The following TET3 variants were observed in gnomAD, a reference collection of about 807,000 sequenced individuals.
The protein encoded by TET3 is methylcytosine dioxygenase TET3.
TET3 carries 19 observed loss-of-function variants against 141.4 expected under a neutral mutation model. The ratio of observed to expected loss-of-function variants is 0.13; its 90% CI spans 0.09 to 0.20. The LOEUF (loss-of-function observed/expected upper bound fraction) is 0.20. Ranked by LOEUF, TET3 falls within the 10% of genes least tolerant of loss-of-function variation. TET3 has a pLI of 1.00. For synonymous variants in TET3, 1,043 were observed against 980.9 expected (o/e 1.06, Z -1.18); for missense variants, 1,874 against 2,356.9 (o/e 0.80, Z 4.24).
the TET3 span, chr2:74,121,637 G>A: frequency 6.6e-6 from 1 of 152,212 alleles, no homozygotes; most frequent in Non-Finnish European, 1.5e-5. Flanking sequence ...AAGCTCCAAA[G>A]CAGCAAAAGG....
chr2:74,087,780 G>A lies in TET3; in HGVS notation c.2680-50G>A, dbSNP rs1302966705. 4.0e-6 allele frequency: 6 copies of A among 1,498,236 alleles called. No homozygotes were observed. In the African/African-American group the frequency reaches 8.3e-5, roughly 21 times the overall value. The allele number at this position is 1,498,236 out of a possible 1,614,324, so 92.8% of individuals were successfully genotyped here. A position where few individuals can be genotyped will look rare whatever the true frequency, so the allele number is the denominator to read the frequency against. ...ACAAAGGGAGGGGTGGCACCATGCA[G>A]AGGAGCACGGGTACCTGGCTCCTGC... On this transcript the variant is annotated intron_variant, in intron 6 of 11. Coordinates refer to ENST00000409262, the MANE Select transcript of TET3 (RefSeq NM_001287491.2). This position sits in a 1 kb window ranked among gnomAD's most constrained non-coding sequence, Gnocchi z 4.3.
intron 2 of TET3, chr2:73,993,096 G>T (rs949519274): frequency 1.3e-5 from 2 of 152,222 alleles, no homozygotes; most frequent in African/African-American, 4.8e-5. Context: ...GCAAAACATG[G>T]TGCCTGGGCC....
chr2:74,046,542 G>A lies in TET3; in HGVS notation c.625G>A (p.Ala209Thr), dbSNP rs544297032. ...GGTGGCCTTTTCGGCTGTGGCCGAA[G>A]CTGTGTCCTCTTATGGGGCCCTTAG... is the stretch of plus-strand genomic sequence containing the variant. ...DLVAFSAVAE[A>T]VSSYGALSTR... The change falls in exon 4 of 12, where the codon GCT (alanine) becomes ACT (threonine). Residue 209 changes from alanine (A) to threonine (T), a missense_variant. Ala to Thr is a moderately conservative substitution (Grantham distance 58). Around this residue, in one of 10 missense-constraint regions of TET3, gnomAD observed 366 missense variants for 487.0 expected, o/e 0.75. Transcript: ENST00000409262. The surrounding 1 kb of genome is among the most constrained non-coding windows in gnomAD (Gnocchi z 4.3). 1 of 1,614,058 alleles carries A rather than the reference G, an allele frequency of 6.2e-7. No homozygotes were observed. The highest frequency in any genetic ancestry group is 2.2e-5 in the East Asian group (1 of 44,884).
intron 11 of TET3, among the ~76,000 whole-genome samples, 190 bp downstream of exon 11, chr2:74,099,802 G>A (rs1043329258): frequency 5.9e-5 from 9 of 152,298 alleles, no homozygotes; most frequent in Admixed American, 5.9e-4. Context: ...AGCAGGACTT[G>A]TTATCTGCGT....
chr2:74,028,034 G>C (rs929841436), intron 3 of TET3, among the ~76,000 whole-genome samples: 4 of 151,452 alleles, frequency 2.6e-5, no homozygotes, highest in African/African-American at 9.7e-5. Flanking sequence ...ATCTGGGCTA[G>C]AGTGCAGTGG....
rs1261236790 is a variant in TET3 at position 74,048,148 on chromosome 2, C to A, written c.2231C>A (p.Ala744Asp). The change falls in exon 4 of 12, where the codon GCC (alanine) becomes GAC (aspartate). Residue 744 changes from alanine to aspartate, a missense_variant. Physicochemically the swap from Ala to Asp is moderately radical, Grantham distance 126. Transcript: ENST00000409262. ...DPENQQTCLP[A>D]PESPFATRSP... ...GAGAACCAGCAAACATGTCTCCCAG[C>A]CCCTGAGAGCCCCTTTGCTACCCGT... 4 of 1,612,550 alleles carry A rather than the reference C, an allele frequency of 2.5e-6. No homozygotes were observed. In the East Asian group the frequency reaches 6.7e-5, roughly 27 times the overall value.
Position 73,986,707 on chromosome 2 carries a change from G to A in TET3, c.303+1G>A. ...GAAAAAAGTAGGGCTTCTCAAGGAG[G>A]TAAGCCGGCCCTTGCTGGGCTACCC... On this transcript the variant is annotated splice_donor_variant, in intron 2 of 11. Coordinates refer to ENST00000409262, the MANE Select transcript of TET3 (RefSeq NM_001287491.2). LOFTEE classifies it high-confidence loss of function. 1 of 1,232,010 alleles carries A rather than the reference G, an allele frequency of 8.1e-7. No homozygotes were observed. The highest frequency in any genetic ancestry group is 3.2e-5 in the East Asian group (1 of 31,712). The allele number at this position is 1,232,010 out of a possible 1,614,324, so 76.3% of individuals were successfully genotyped here. A position where few individuals can be genotyped will look rare whatever the true frequency, so the allele number is the denominator to read the frequency against.
chr2:74,124,248 C>G, the TET3 span, among the ~76,000 whole-genome samples: 3 of 147,498 alleles, frequency 2.0e-5, no homozygotes, highest in Non-Finnish European at 3.0e-5. Flanking sequence ...CCAGCCGCCC[C>G]GTCCGGGAGG....
chr2:74,056,502 C>T (rs1688220388), intron 4 of TET3, among the ~76,000 whole-genome samples: 1 of 151,974 alleles, frequency 6.6e-6, no homozygotes, highest in Non-Finnish European at 1.5e-5. Flanking sequence ...CTCCTGAGCT[C>T]TCCCCTAGAG....
Position 74,046,624 on chromosome 2 carries a change from G to A in TET3, c.707G>A (p.Ser236Asn), listed in dbSNP as rs757016925. ...REMSREAGNN[S>N]RGPRPGPEGC... ...ATGAGTCGTGAGGCTGGGAACAACA[G>A]CAGGGGACCCCGGCCAGGGCCTGAG... The change falls in exon 4 of 12, where the codon AGC becomes AAC. Residue 236 changes from serine to asparagine, a missense_variant. This residue lies in a region of TET3 where 366 missense variants were observed against 487.0 expected (regional missense o/e 0.75). Transcript: ENST00000409262. This position sits in a 1 kb window ranked among gnomAD's most constrained non-coding sequence, Gnocchi z 4.3. 2.5e-6 allele frequency: 4 copies of A among 1,614,070 alleles called. No homozygotes were observed. The highest frequency in any genetic ancestry group is 2.2e-5 in the South Asian group (2 of 91,090).
the TET3 span, among the ~76,000 whole-genome samples, chr2:74,118,536 ATAAC>A: frequency 3.3e-5 from 5 of 152,198 alleles, no homozygotes; most frequent in African/African-American, 7.2e-5. Flanking sequence ...AACATACAAA[ATAAC>A]TATATTATCA....
At chr2:74,035,036 CAA>C (rs70965777) in intron 3 of TET3, among the ~76,000 whole-genome samples, 12 of 114,312 alleles carry the variant, frequency 1.0e-4, no homozygotes, top group African/African-American at 6.3e-5. Flanking sequence ...CTAAAAAATA[CAA>C]AAAAAAAAAA....
intron 4 of TET3, among the ~76,000 whole-genome samples, chr2:74,051,325 A>G (rs149695551): frequency 6.6e-6 from 1 of 152,372 alleles, no homozygotes; most frequent in African/African-American, 2.4e-5. Flanking sequence ...AACACTTTGT[A>G]TTATTAAATT....
intron 6 of TET3, 54 bp downstream of exon 6, chr2:74,080,645 A>C (rs1689757093): frequency 6.6e-6 from 9 of 1,362,816 alleles, no homozygotes; most frequent in Non-Finnish European, 8.8e-6. Context: ...CCCTTGCTGC[A>C]TGGCCACGGC....
At chr2:74,127,764 C>G in the TET3 span, among the ~76,000 whole-genome samples, 2 of 151,186 alleles carry the variant, frequency 1.3e-5, no homozygotes, top group Non-Finnish European at 2.9e-5. Flanking sequence ...GTATAGGGCA[C>G]GGGAGAAGGG....
At chr2:74,024,579 G>A (rs556118568) in intron 3 of TET3, among the ~76,000 whole-genome samples, 2 of 152,216 alleles carry the variant, frequency 1.3e-5, no homozygotes, top group African/African-American at 4.8e-5. Context: ...ATGAGCTGAG[G>A]GCTGGTGGAA....
At chr2:74,034,412 C>T (rs1686915890) in intron 3 of TET3, among the ~76,000 whole-genome samples, 1 of 152,026 alleles carries the variant, frequency 6.6e-6, no homozygotes, top group South Asian at 2.1e-4. Flanking sequence ...TATCTCCCTT[C>T]TTCACCTCCA....
At chr2:74,114,517 G>A in the TET3 span, among the ~76,000 whole-genome samples, 1 of 152,028 alleles carries the variant, frequency 6.6e-6, no homozygotes, top group Non-Finnish European at 1.5e-5. Flanking sequence ...TAAATTTTAT[G>A]TTCTGTATAT....
intron 2 of TET3, among the ~76,000 whole-genome samples, chr2:73,991,180 A>G (rs180770479): frequency 5.6e-4 from 85 of 152,112 alleles, no homozygotes; most frequent in African/African-American, 1.9e-3. Context: ...GTGAATTACA[A>G]TTTTTATGGA....
Sources: allele counts gnomAD v4.1 joint callset (sites outside exome capture counted in the v4.1 genomes callset), GRCh38; gene constraint gnomAD v4.1.1; regional missense constraint gnomAD v4.1.1; non-coding constraint Gnocchi (gnomAD v3.1); transcripts MANE v1.5; gene names NCBI Gene and HGNC (gene_info 2026-07-23, HGNC 2026-07-21).